Variants in RAP1GAP2 observed in about 807,000 individuals in gnomAD.
RAP1GAP2 encodes the protein RAP1 GTPase activating protein 2, also known as rap1 GTPase-activating protein 2.
Under a neutral mutation model 95.0 loss-of-function variants are expected in RAP1GAP2, and 27 were observed. The ratio of observed to expected loss-of-function variants is 0.28; its 90% CI spans 0.21 to 0.39. The LOEUF (loss-of-function observed/expected upper bound fraction) is 0.39. Ranked by LOEUF, RAP1GAP2 falls within the 10% of genes least tolerant of loss-of-function variation. The pLI is 1.00. For missense variants in RAP1GAP2, 771 were observed against 970.0 expected (o/e 0.79, Z 2.72); for synonymous variants, 373 against 380.9 (o/e 0.98, Z 0.24).
At chr17:3,028,753 G>A (rs757398053) in intron 22 of RAP1GAP2, among the ~76,000 whole-genome samples, 4 of 152,148 alleles carry the variant, frequency 2.6e-5, no homozygotes, top group Admixed American at 1.3e-4. Flanking sequence ...ACAGGTCCAC[G>A]TCTCTGAGCC....
chr17:2,819,655 G>A (rs777687858), intron 2 of RAP1GAP2, among the ~76,000 whole-genome samples: 8 of 151,604 alleles, frequency 5.3e-5, no homozygotes, highest in Non-Finnish European at 1.2e-4. Flanking sequence ...TGTGTTTTTG[G>A]TAGAGACGGG....
intron 2 of RAP1GAP2, among the ~76,000 whole-genome samples, chr17:2,876,217 A>G (rs989833287): frequency 6.6e-6 from 1 of 152,134 alleles, no homozygotes; most frequent in African/African-American, 2.4e-5. Flanking sequence ...GATTACAGGC[A>G]TGAGCCACCG....
intron 3 of RAP1GAP2, among the ~76,000 whole-genome samples, chr17:2,916,763 A>G (rs2042583791): frequency 6.6e-6 from 1 of 152,224 alleles, no homozygotes; most frequent in South Asian, 2.1e-4. Flanking sequence ...GGCGATGACA[A>G]CCATGATGAG....
intron 2 of RAP1GAP2, among the ~76,000 whole-genome samples, chr17:2,887,682 T>G (rs2073547524): frequency 6.8e-6 from 1 of 148,030 alleles, no homozygotes; most frequent in African/African-American, 2.5e-5. Context: ...GTTTTTTTGT[T>G]TTTTTTTTTT....
intron 3 of RAP1GAP2, among the ~76,000 whole-genome samples, chr17:2,945,837 T>TGGA (rs1437568222): frequency 6.6e-6 from 1 of 152,126 alleles, no homozygotes; most frequent in Non-Finnish European, 1.5e-5. Context: ...TCGCCCAGGC[T>TGGA]GGAGTACAGT....
At chr17:2,943,974 C>A (rs1236022343) in intron 3 of RAP1GAP2, among the ~76,000 whole-genome samples, 1 of 151,936 alleles carries the variant, frequency 6.6e-6, no homozygotes, top group Admixed American at 6.6e-5. Context: ...ATGGTGAAAC[C>A]AGTCTCTACT....
At chr17:3,018,373 C>T (rs867000559) in intron 18 of RAP1GAP2, among the ~76,000 whole-genome samples, 175 bp downstream of exon 18, 8 of 152,170 alleles carry the variant, frequency 5.3e-5, no homozygotes, top group Middle Eastern at 3.4e-3. Context: ...CCTCTGAAAA[C>T]GGTCCTTTGG....
intron 1 of RAP1GAP2, chr17:2,770,253 G>A (rs1405755797): frequency 1.8e-5 from 7 of 398,038 alleles, no homozygotes; most frequent in East Asian, 1.4e-4. Flanking sequence ...GCAATTCTCC[G>A]GCAAGCAGGG....
intron 2 of RAP1GAP2, among the ~76,000 whole-genome samples, chr17:2,810,522 C>CCTT (rs1567668799): frequency 2.0e-4 from 14 of 69,412 alleles, no homozygotes; most frequent in South Asian, 6.2e-4. Flanking sequence ...TCCCCCCACC[C>CCTT]TTTTTTTTTT....
At chr17:3,021,440 T>C (rs1278256437) in intron 19 of RAP1GAP2, among the ~76,000 whole-genome samples, 1 of 92,448 alleles carries the variant, frequency 1.1e-5, no homozygotes, top group Non-Finnish European at 2.4e-5. Flanking sequence ...CTTTTTTTTT[T>C]TTTTTTTTTT....
chr17:2,895,550 G>A lies in RAP1GAP2; in HGVS notation c.81-9734G>A, dbSNP rs758536957. On this transcript the variant is annotated intron_variant, in intron 2 of 24. Coordinates refer to ENST00000254695, the MANE Select transcript of RAP1GAP2 (RefSeq NM_015085.5). The stretch of plus-strand genomic sequence containing the variant: ...CACTTCACACAGTGCCCTAACCCTT[G>A]AGGCCTGTTTGCTGGCATTTGCCCT... Among the ~76,000 whole-genome samples, 34 of 151,124 alleles carry A rather than the reference G, an allele frequency of 2.2e-4. 1 individual carries two copies. Among genetic ancestry groups the A allele is most frequent in the Admixed American group, 5.3e-4 (8 of 15,048 alleles).
At chr17:2,905,262 A>G in intron 2 of RAP1GAP2, 22 bp from the exon 3 acceptor site, 1 of 1,611,172 alleles carries the variant, frequency 6.2e-7, no homozygotes, top group Non-Finnish European at 8.5e-7. Context: ...GTCCTCACTC[A>G]CCTCTTTTGG....
At chr17:2,801,597 A>ATG (rs71150898) in intron 2 of RAP1GAP2, among the ~76,000 whole-genome samples, 1,507 of 121,850 alleles carry the variant, frequency 0.012, 35 homozygotes, top group African/African-American at 0.038. Flanking sequence ...ACTCCAGGGT[A>ATG]TGTGTGTGTG....
At chr17:2,957,630 T>A (rs1247036612) in intron 3 of RAP1GAP2, 129 bp from the exon 4 acceptor site, 10 of 1,067,810 alleles carry the variant, frequency 9.4e-6, no homozygotes, top group Admixed American at 2.3e-5. Context: ...TCTTCTCTGT[T>A]GATCCAAATG....
At chr17:2,876,136 A>C (rs1289945329) in intron 2 of RAP1GAP2, among the ~76,000 whole-genome samples, 1 of 151,484 alleles carries the variant, frequency 6.6e-6, no homozygotes, top group African/African-American at 2.4e-5. Context: ...ACGGGGTTTC[A>C]CCGTGTTAGC....
Position 3,005,914 on chromosome 17 carries a change from G to A in RAP1GAP2, c.1273-41G>A, listed in dbSNP as rs755441807. 1.9e-6 allele frequency: 3 copies of A among 1,577,890 alleles called. No individual in the cohort carries two copies. Among genetic ancestry groups the A allele is most frequent in the Non-Finnish European group, 2.6e-6 (3 of 1,147,216 alleles). ...TGTGGCTGAAGACCTTCTGGCAACA[G>A]CCGAGAGTGACAGACCTGAGGTCCG... On this transcript the variant is annotated intron_variant, in intron 15 of 24. Coordinates refer to ENST00000254695, the MANE Select transcript of RAP1GAP2 (RefSeq NM_015085.5). The surrounding 1 kb of genome is among the most constrained non-coding windows in gnomAD (Gnocchi z 5.2).
At chr17:2,920,613 A>C (rs2042730288) in intron 3 of RAP1GAP2, among the ~76,000 whole-genome samples, 1 of 152,128 alleles carries the variant, frequency 6.6e-6, no homozygotes, top group South Asian at 2.1e-4. Flanking sequence ...TATAGAACGG[A>C]GCTCACCCTG....
Position 2,965,774 on chromosome 17 carries a change from A to G in RAP1GAP2, c.596+131A>G, listed in dbSNP as rs1250341504. 3 of 688,744 alleles carry G rather than the reference A, an allele frequency of 4.4e-6. No homozygotes were observed. Among genetic ancestry groups the G allele is most frequent in the Non-Finnish European group, 7.3e-6 (3 of 408,890 alleles). The allele number at this position is 688,744 out of a possible 1,614,324, so 42.7% of individuals were successfully genotyped here. ...TCTGGGTGCACTGGCTGACGGGGAC[A>G]GGCCTGCTGGAATCCTGGGGCTGTG... is the stretch of plus-strand genomic sequence containing the variant. On this transcript the variant is annotated intron_variant, in intron 8 of 24. Transcript: ENST00000254695. This position sits in a 1 kb window ranked among gnomAD's most constrained non-coding sequence, Gnocchi z 4.7.
chr17:3,005,542 A>G lies in RAP1GAP2; in HGVS notation c.1272+102A>G. 2.3e-6 allele frequency: 3 copies of G among 1,332,800 alleles called. No individual in the cohort carries two copies. The highest frequency in any genetic ancestry group is 3.2e-6 in the Non-Finnish European group (3 of 924,768). 82.6% of individuals were successfully genotyped at this position (1,332,800 alleles called of 1,614,324 possible). On this transcript the variant is annotated intron_variant, in intron 15 of 24. Transcript: ENST00000254695. The surrounding 1 kb of genome is among the most constrained non-coding windows in gnomAD (Gnocchi z 5.2). The stretch of plus-strand genomic sequence containing the variant: ...GAGCCAAATTCAGGCTGGGAACATT[A>G]GGGAGCTCCTTTTGCAGGTTTTGGG...
Sources: gnomAD v4.1 joint callset for allele counts (sites outside exome capture counted in the v4.1 genomes callset) on GRCh38, gnomAD v4.1.1 for gene constraint, Gnocchi (gnomAD v3.1) non-coding constraint, MANE v1.5 for transcripts, NCBI Gene and HGNC (gene_info 2026-07-23, HGNC 2026-07-21) for gene names.